ZNF804B: variants seen among roughly 807,000 people sequenced by gnomAD.
The protein encoded by ZNF804B is zinc finger protein 804B.
ZNF804B carries 80 observed loss-of-function variants against 101.4 expected under a neutral mutation model. That is an observed-to-expected ratio of 0.79 (90% CI 0.66 to 0.95). The LOEUF is 0.95. ZNF804B is among the 40% of genes least tolerant of loss of function. ZNF804B has a pLI of 0.00. For synonymous variants in ZNF804B, 622 were observed against 558.8 expected (o/e 1.11, Z -1.59); for missense variants, 1,673 against 1,561.9 (o/e 1.07, Z -1.20).
chr7:88,823,693 A>C (rs1483680592), intron 1 of ZNF804B, among the ~76,000 whole-genome samples: 5 of 152,088 alleles, frequency 3.3e-5, no homozygotes, highest in African/African-American at 4.8e-5. Flanking sequence ...AGCATGTGGC[A>C]AATTGTAAAT....
chr7:89,109,935 G>A (rs750102675), intron 1 of ZNF804B, among the ~76,000 whole-genome samples: 4 of 151,988 alleles, frequency 2.6e-5, no homozygotes, highest in South Asian at 4.2e-4. Context: ...ATAACTATTT[G>A]GGCCAAACTC....
At chr7:88,976,115 T>C (rs1469761915) in intron 1 of ZNF804B, among the ~76,000 whole-genome samples, 14 of 151,696 alleles carry the variant, frequency 9.2e-5, no homozygotes. Context: ...CTCTATTCTG[T>C]TCCATTGGTC....
At chr7:89,175,407 G>A (rs891055876) in intron 1 of ZNF804B, among the ~76,000 whole-genome samples, 29 of 151,846 alleles carry the variant, frequency 1.9e-4, no homozygotes, top group Middle Eastern at 3.4e-3. Context: ...ATTTTTTTCC[G>A]GGTGCTCCAT....
At position 89,110,150 on chromosome 7, in the gene ZNF804B, G is replaced by C. The variant is rs1007865422; in HGVS notation, c.109-108005G>C. 5.9e-5 allele frequency among the ~76,000 whole-genome samples: 9 copies of C among 152,128 alleles called. No individual in the cohort carries two copies. In the East Asian group the frequency reaches 1.7e-3, roughly 29 times the overall value. On this transcript the variant is annotated intron_variant, in intron 1 of 3. Coordinates refer to ENST00000333190, the MANE Select transcript of ZNF804B (RefSeq NM_181646.5). ...CAGAAAATTTTCAGTGGTAGGTGGG[G>C]TGCTAGGTAAAGGTGAGTCACCAGG...
At chr7:89,128,947 G>A (rs6968605) in intron 1 of ZNF804B, among the ~76,000 whole-genome samples, 36,506 of 151,844 alleles carry the variant, frequency 0.24, 6,150 homozygotes, top group African/African-American at 0.49. Context: ...GTTTGGTTGA[G>A]TGTTTCTGAG....
intron 1 of ZNF804B, among the ~76,000 whole-genome samples, chr7:88,978,334 T>A (rs772559759): frequency 2.0e-5 from 3 of 151,848 alleles, no homozygotes; most frequent in Non-Finnish European, 2.9e-5. Flanking sequence ...GGTCTTCGTC[T>A]ATTATTGTAC....
chr7:88,944,049 A>C (rs1365262498), intron 1 of ZNF804B, among the ~76,000 whole-genome samples: 1 of 151,916 alleles, frequency 6.6e-6, no homozygotes, highest in East Asian at 1.9e-4. Context: ...TATGCATAAA[A>C]GTGCTATAAA....
At chr7:89,319,625 T>C (rs1177652358) in intron 2 of ZNF804B, among the ~76,000 whole-genome samples, 3 of 152,168 alleles carry the variant, frequency 2.0e-5, no homozygotes, top group African/African-American at 4.8e-5. Flanking sequence ...ACACATACTC[T>C]AGGACTTTTA....
rs370604248 is a variant in ZNF804B, at chr7:89,333,674, T to A, written c.692T>A (p.Leu231Ter). 1 of 1,613,276 alleles carries A rather than the reference T, an allele frequency of 6.2e-7. No homozygotes were observed. The highest frequency in any genetic ancestry group is 8.5e-7 in the Non-Finnish European group (1 of 1,179,656). The change falls in exon 4 of 4, where the codon TTA (leucine) becomes TAA (stop). Residue 231 changes from leucine to a stop codon, truncating the protein, a stop_gained. Coordinates refer to ENST00000333190, the MANE Select transcript of ZNF804B (RefSeq NM_181646.5). LOFTEE classifies it high-confidence loss of function. ...TTTTCCAAAAAAGTGCACCTAAAAT[T>A]AGAATCTTCAGCATCAGTTTTCAGT... ...FTFSKKVHLK[L>*]ESSASVFSEN... is the part of the protein sequence containing the mutation.
intron 2 of ZNF804B, among the ~76,000 whole-genome samples, chr7:89,276,313 C>T (rs549575777): frequency 6.6e-6 from 1 of 151,762 alleles, no homozygotes; most frequent in East Asian, 1.9e-4. Context: ...GCACATGTAC[C>T]CTGGAACTTA....
At position 89,334,387 on chromosome 7, in the gene ZNF804B, C is replaced by A. The variant is rs1791038811; in HGVS notation, c.1405C>A (p.Pro469Thr). Residue 469 changes from proline (P) to threonine (T), a missense_variant, in exon 4 of 4, where the codon CCC becomes ACC. By Grantham distance (38) the Pro-to-Thr change is conservative. Transcript: ENST00000333190. Reference protein sequence around the residue: ...TELLLFTKTEPCISYGCNPLY... With the variant: ...TELLLFTKTETCISYGCNPLY... ...ACTTCTGCTCTTTACAAAAACAGAACCCTGTATCTCTTATGGCTGCAACCC... is the reference window on the plus strand; with the variant it reads ...ACTTCTGCTCTTTACAAAAACAGAAACCTGTATCTCTTATGGCTGCAACCC... The A allele has an allele frequency of 1.2e-6, 2 of 1,613,608 alleles. No homozygotes were observed. The highest frequency in any genetic ancestry group is 2.2e-5 in the East Asian group (1 of 44,864).
chr7:88,844,747 G>A (rs1041029781), intron 1 of ZNF804B, among the ~76,000 whole-genome samples: 3 of 152,080 alleles, frequency 2.0e-5, no homozygotes, highest in Non-Finnish European at 4.4e-5. Context: ...GCAATTGGAG[G>A]CTGTATATTT....
chr7:89,131,822 G>A (rs564941240), intron 1 of ZNF804B, among the ~76,000 whole-genome samples: 1 of 152,068 alleles, frequency 6.6e-6, no homozygotes, highest in Admixed American at 6.6e-5. Flanking sequence ...CTTAGGATTT[G>A]TCTGAGTTTG....
At chr7:88,820,076 T>C (rs996094771) in intron 1 of ZNF804B, among the ~76,000 whole-genome samples, 2 of 152,204 alleles carry the variant, frequency 1.3e-5, no homozygotes, top group Admixed American at 6.5e-5. Flanking sequence ...AATAAAGATA[T>C]ATATTTTTGC....
intron 1 of ZNF804B, among the ~76,000 whole-genome samples, chr7:88,764,333 A>G (rs1465574006): frequency 1.3e-5 from 2 of 152,170 alleles, no homozygotes; most frequent in Non-Finnish European, 2.9e-5. Context: ...CACCATAGTT[A>G]GACATCCTGG....
intron 1 of ZNF804B, among the ~76,000 whole-genome samples, chr7:89,025,431 T>C (rs1235305477): frequency 6.6e-6 from 1 of 152,126 alleles, no homozygotes; most frequent in African/African-American, 2.4e-5. Context: ...TCTCCAAAAA[T>C]TATACTATTA....
intron 1 of ZNF804B, among the ~76,000 whole-genome samples, chr7:88,999,836 A>G (rs976110207): frequency 1.3e-5 from 2 of 151,866 alleles, no homozygotes; most frequent in Non-Finnish European, 2.9e-5. Flanking sequence ...ATTTCCAGAT[A>G]TTTTCTTTAG....
intron 1 of ZNF804B, among the ~76,000 whole-genome samples, chr7:88,902,568 T>C (rs1473399090): frequency 6.6e-6 from 1 of 152,054 alleles, no homozygotes; most frequent in Non-Finnish European, 1.5e-5. Context: ...ATTTTTATGT[T>C]AAGCAAAAGT....
intron 1 of ZNF804B, among the ~76,000 whole-genome samples, chr7:88,863,432 A>G (rs928428172): frequency 1.3e-5 from 2 of 152,140 alleles, no homozygotes; most frequent in Non-Finnish European, 2.9e-5. Context: ...TTTATTGAAC[A>G]TTTACTATGT....
Sources: allele counts gnomAD v4.1 joint callset (sites outside exome capture counted in the v4.1 genomes callset), GRCh38; gene constraint gnomAD v4.1.1; transcripts MANE v1.5; gene names NCBI Gene and HGNC (gene_info 2026-07-23, HGNC 2026-07-21).